The following LRMDA variants were observed in gnomAD, a reference collection of about 807,000 sequenced individuals.
LRMDA encodes the protein leucine-rich melanocyte differentiation-associated protein.
In LRMDA, 18 loss-of-function variants were observed where a neutral mutation model predicts 29.8. The observed-to-expected ratio is 0.60, with a 90% CI of 0.42 to 0.90. The LOEUF (loss-of-function observed/expected upper bound fraction) is 0.90, where lower values mean the gene tolerates loss of function less well. Among genes scored for constraint, LRMDA ranks in the 40% least tolerant of loss-of-function variants. The pLI, the probability that LRMDA is intolerant of heterozygous loss-of-function variation, is 0.00. For synonymous variants in LRMDA, 125 were observed against 109.4 expected (o/e 1.14, Z -0.89); for missense variants, 273 against 273.9 (o/e 1.00, Z 0.02).
chr10:76,529,062 G>A (rs1843207624), intron 6 of LRMDA, among the ~76,000 whole-genome samples: 1 of 152,158 alleles, frequency 6.6e-6, no homozygotes, highest in Admixed American at 6.5e-5. Flanking sequence ...AATCTCGCAT[G>A]TCAATGACAC....
chr10:75,942,827 A>G (rs999649595), intron 2 of LRMDA, among the ~76,000 whole-genome samples: 8 of 152,138 alleles, frequency 5.3e-5, no homozygotes, highest in African/African-American at 1.9e-4. Context: ...AGGATCACAG[A>G]GACATTGCTC....
chr10:75,638,154 G>T (rs1270032689), intron 2 of LRMDA, among the ~76,000 whole-genome samples: 2 of 152,166 alleles, frequency 1.3e-5, no homozygotes, highest in African/African-American at 4.8e-5. Context: ...TAAAGAATGG[G>T]GTGGAAAGCT....
intron 2 of LRMDA, among the ~76,000 whole-genome samples, chr10:75,889,545 A>G (rs1194164934): frequency 6.6e-6 from 1 of 152,170 alleles, no homozygotes; most frequent in Non-Finnish European, 1.5e-5. Flanking sequence ...TTTGGTATTA[A>G]ATCATGCTTA....
chr10:76,369,880 G>C (rs925242493), intron 6 of LRMDA, among the ~76,000 whole-genome samples: 4 of 152,104 alleles, frequency 2.6e-5, no homozygotes, highest in African/African-American at 9.7e-5. Context: ...ATAGATCCTT[G>C]CCTTGGTTCA....
intron 2 of LRMDA, among the ~76,000 whole-genome samples, chr10:75,585,194 C>A (rs1222495132): frequency 6.6e-6 from 1 of 152,226 alleles, no homozygotes; most frequent in African/African-American, 2.4e-5. Flanking sequence ...GTCCTGTCCT[C>A]TAGCAGCAGA....
intron 2 of LRMDA, among the ~76,000 whole-genome samples, chr10:75,945,655 T>C (rs1450540413): frequency 1.3e-5 from 2 of 152,234 alleles, no homozygotes; most frequent in Non-Finnish European, 1.5e-5. Flanking sequence ...TACTCTATCA[T>C]TACTGGAAGT....
At chr10:76,153,707 C>G (rs1850488347) in intron 5 of LRMDA, among the ~76,000 whole-genome samples, 1 of 152,314 alleles carries the variant, frequency 6.6e-6, no homozygotes, top group South Asian at 2.1e-4. Flanking sequence ...ACATACTAGC[C>G]TCTTCACTGG....
At chr10:75,826,576 A>G (rs1844250313) in intron 2 of LRMDA, among the ~76,000 whole-genome samples, 1 of 152,164 alleles carries the variant, frequency 6.6e-6, no homozygotes, top group African/African-American at 2.4e-5. Context: ...GAAGTTTTAT[A>G]TTTCAACTCA....
intron 5 of LRMDA, among the ~76,000 whole-genome samples, chr10:76,145,326 T>C (rs552213596): frequency 1.3e-5 from 2 of 152,128 alleles, no homozygotes; most frequent in Non-Finnish European, 2.9e-5. Flanking sequence ...GTCCTGGACT[T>C]TTTTTGGTTG....
At chr10:75,736,670 T>C (rs1021569678) in intron 2 of LRMDA, among the ~76,000 whole-genome samples, 2 of 152,232 alleles carry the variant, frequency 1.3e-5, no homozygotes, top group African/African-American at 2.4e-5. Flanking sequence ...CTTTAAGCTA[T>C]GCCAGCAGCA....
chr10:76,481,406 T>A (rs770760346), intron 6 of LRMDA, among the ~76,000 whole-genome samples: 14 of 151,924 alleles, frequency 9.2e-5, no homozygotes, highest in Non-Finnish European at 1.5e-4. Context: ...CTGGCTTTTT[T>A]AAGGCCTTCT....
chr10:76,304,507 C>T (rs1022671178), intron 5 of LRMDA, among the ~76,000 whole-genome samples: 4 of 152,120 alleles, frequency 2.6e-5, no homozygotes, highest in African/African-American at 4.8e-5. Flanking sequence ...CTATGCATGC[C>T]ACCTGTCCAA....
In LRMDA at chr10:76,087,985, C is replaced by T. The variant is rs144236343; in HGVS notation, c.516+29202C>T. Among the ~76,000 whole-genome samples the T allele has an allele frequency of 7.2e-5, 11 of 152,184 alleles. No homozygotes were observed. In the East Asian group the frequency reaches 1.9e-3, roughly 27 times the overall value. On this transcript the variant is annotated intron_variant, in intron 5 of 6. Coordinates refer to ENST00000611255, the MANE Select transcript of LRMDA (RefSeq NM_001305581.2). Reference sequence around the variant, plus strand: ...ACAAACAAACAAAAAATTATCTGGACAAGGTGTACCTATAGTCCCAGCTAC... The same window carrying T: ...ACAAACAAACAAAAAATTATCTGGATAAGGTGTACCTATAGTCCCAGCTAC...
At chr10:75,964,135 A>G (rs903698087) in intron 2 of LRMDA, among the ~76,000 whole-genome samples, 2 of 152,230 alleles carry the variant, frequency 1.3e-5, no homozygotes, top group Non-Finnish European at 1.5e-5. Context: ...AATAGCACAG[A>G]GAAGGAATGC....
chr10:76,022,540 A>G (rs748029364), intron 2 of LRMDA, among the ~76,000 whole-genome samples: 1 of 152,202 alleles, frequency 6.6e-6, no homozygotes, highest in Non-Finnish European at 1.5e-5. Context: ...CATATCAGGG[A>G]GTAAATACAG....
chr10:76,335,630 A>G (rs1840957946), intron 6 of LRMDA, among the ~76,000 whole-genome samples: 1 of 152,196 alleles, frequency 6.6e-6, no homozygotes, highest in Non-Finnish European at 1.5e-5. Context: ...TAAGATATAC[A>G]TTGGTTTGGT....
chr10:76,268,465 C>T (rs1271028326), intron 5 of LRMDA, among the ~76,000 whole-genome samples: 1 of 152,180 alleles, frequency 6.6e-6, no homozygotes, highest in Non-Finnish European at 1.5e-5. Context: ...TTACACCTCT[C>T]TCTTTTCACT....
At chr10:75,602,911 T>C (rs1223593256) in intron 2 of LRMDA, among the ~76,000 whole-genome samples, 1 of 152,174 alleles carries the variant, frequency 6.6e-6, no homozygotes, top group Non-Finnish European at 1.5e-5. Context: ...ATGAGAAAAG[T>C]TATTCATTCT....
chr10:75,466,662 G>A (rs537361021), intron 2 of LRMDA, among the ~76,000 whole-genome samples: 1 of 152,134 alleles, frequency 6.6e-6, no homozygotes, highest in African/African-American at 2.4e-5. Flanking sequence ...GTCTTGGATA[G>A]GTGAGGCTGT....
Sources: allele counts gnomAD v4.1 joint callset (sites outside exome capture counted in the v4.1 genomes callset), GRCh38; gene constraint gnomAD v4.1.1; transcripts MANE v1.5; gene names NCBI Gene and HGNC (gene_info 2026-07-23, HGNC 2026-07-21).